Variants in NKAIN3 observed in about 807,000 individuals in gnomAD.
NKAIN3 encodes sodium/potassium-transporting ATPase subunit beta-1-interacting protein 3.
Under a neutral mutation model 30.2 loss-of-function variants are expected in NKAIN3, and 25 were observed. That is an observed-to-expected ratio of 0.83 (90% CI 0.60 to 1.16). The LOEUF (loss-of-function observed/expected upper bound fraction) is 1.16, where lower values mean the gene tolerates loss of function less well. NKAIN3 is among the 50% of genes most tolerant of loss of function. NKAIN3 has a pLI of 0.00. For missense variants in NKAIN3, 225 were observed against 254.1 expected, an observed-to-expected ratio of 0.89 and a Z score of 0.78; for synonymous variants, 91 against 89.6, an observed-to-expected ratio of 1.02 and a Z score of -0.09.
intron 1 of NKAIN3, among the ~76,000 whole-genome samples, chr8:62,392,538 C>T (rs13270596): frequency 0.56 from 84,620 of 151,792 alleles, 26,285 homozygotes; most frequent in East Asian, 0.68. Context: ...AAAGTTATCT[C>T]GCTTACCTGG....
In NKAIN3 at chr8:62,738,036, T is replaced by G. The variant is rs148385903; in HGVS notation, c.274-8896T>G. On this transcript the variant is annotated intron_variant, in intron 3 of 6. Coordinates refer to ENST00000623646, the MANE Select transcript of NKAIN3 (RefSeq NM_001304533.3). Reference sequence around the variant, plus strand: ...AATCCTTTAGGTATATACCCAGTAATAGGATTGCTGGGTCAAATGGTATTT... The same window carrying G: ...AATCCTTTAGGTATATACCCAGTAAGAGGATTGCTGGGTCAAATGGTATTT... Among the ~76,000 whole-genome samples the G allele has an allele frequency of 9.8e-3, 1,496 of 152,264 alleles. 24 individuals carry two copies. Among genetic ancestry groups the G allele is most frequent in the African/African-American group, 0.034 (1,418 of 41,540 alleles).
intron 4 of NKAIN3, among the ~76,000 whole-genome samples, chr8:62,904,124 A>G (rs1306419660): frequency 6.6e-6 from 1 of 152,190 alleles, no homozygotes; most frequent in African/African-American, 2.4e-5. Context: ...CATGTTATGT[A>G]TCTGGACATT....
chr8:62,568,548 A>G (rs1809827136), intron 1 of NKAIN3, among the ~76,000 whole-genome samples: 2 of 152,210 alleles, frequency 1.3e-5, no homozygotes, highest in African/African-American at 2.4e-5. Context: ...TGTGATACAT[A>G]GATGTCCTTC....
chr8:62,439,544 A>G (rs1283908005), intron 1 of NKAIN3, among the ~76,000 whole-genome samples: 2 of 151,790 alleles, frequency 1.3e-5, no homozygotes, highest in Non-Finnish European at 2.9e-5. Context: ...CATCCTGAGT[A>G]AAAAAATGTA....
At chr8:62,643,585 A>T (rs1215917816) in intron 3 of NKAIN3, among the ~76,000 whole-genome samples, 1 of 152,114 alleles carries the variant, frequency 6.6e-6, no homozygotes, top group Non-Finnish European at 1.5e-5. Context: ...CCCTCTCCAC[A>T]TTCCCTATAT....
intron 1 of NKAIN3, among the ~76,000 whole-genome samples, chr8:62,456,358 A>G (rs1043557126): frequency 2.0e-5 from 3 of 151,976 alleles, no homozygotes; most frequent in African/African-American, 7.3e-5. Context: ...ATCTCTACTA[A>G]AAATACAAAA....
chr8:62,855,718 G>T, intron 4 of NKAIN3: 1 of 1,554,114 alleles, frequency 6.4e-7, no homozygotes, highest in Non-Finnish European at 8.9e-7. Flanking sequence ...GCTTCTGAAC[G>T]ATAGCCTTCA....
intron 4 of NKAIN3, among the ~76,000 whole-genome samples, chr8:62,885,874 T>C (rs770840898): frequency 6.6e-6 from 1 of 152,220 alleles, no homozygotes; most frequent in Non-Finnish European, 1.5e-5. Context: ...TATGTGTTTT[T>C]ACATTTAAAG....
chr8:62,455,249 A>G (rs753310173), intron 1 of NKAIN3, among the ~76,000 whole-genome samples: 2 of 152,332 alleles, frequency 1.3e-5, no homozygotes, highest in Middle Eastern at 3.4e-3. Context: ...TCAAAGTACT[A>G]TTCACATAGA....
At chr8:62,273,193 G>C (rs1475039183) in intron 1 of NKAIN3, among the ~76,000 whole-genome samples, 1 of 152,246 alleles carries the variant, frequency 6.6e-6, no homozygotes, top group South Asian at 2.1e-4. Context: ...GAAATTTAGT[G>C]CTTTTTAATT....
intron 1 of NKAIN3, among the ~76,000 whole-genome samples, chr8:62,328,052 T>A (rs1585685264): frequency 1.3e-5 from 2 of 152,124 alleles, no homozygotes; most frequent in Non-Finnish European, 2.9e-5. Flanking sequence ...TGATCCAACT[T>A]TGCATTGCAT....
rs192788043 is a variant in NKAIN3, at chr8:62,863,398, T to C, written c.472-55055T>C. ...TGCATCATCCATACACATCAAGATG[T>C]TTTGCGGCTTTATGTCAGTATGAGT... On this transcript the variant is annotated intron_variant, in intron 4 of 6. Coordinates refer to ENST00000623646, the MANE Select transcript of NKAIN3 (RefSeq NM_001304533.3). 7.5e-5 allele frequency: 116 copies of C among 1,545,590 alleles called. No homozygotes were observed. In the East Asian group the frequency reaches 1.9e-3, roughly 26 times the overall value.
rs1815916086 is a variant in NKAIN3 at position 62,345,380 on chromosome 8, T to TACAC, written c.54+96253_54+96254insACAC. Among the ~76,000 whole-genome samples the TACAC allele has an allele frequency of 7.3e-5, 7 of 95,534 alleles. No homozygotes were observed. The South Asian group carries it at 1.3e-3, about 18-fold the overall frequency. The allele number at this position is 95,534 out of a possible 152,430, so 62.7% of individuals were successfully genotyped here. On this transcript the variant is annotated intron_variant, in intron 1 of 6. Coordinates refer to ENST00000623646, the MANE Select transcript of NKAIN3 (RefSeq NM_001304533.3). ...ACATATATGTATATATACACATATA[T>TACAC]GTATATATACACACATATACACATA...
chr8:62,931,151 A>C (rs543533865), intron 5 of NKAIN3, among the ~76,000 whole-genome samples: 47 of 152,330 alleles, frequency 3.1e-4, no homozygotes, highest in African/African-American at 1.1e-3. Context: ...ATTTGTCCCA[A>C]TAAACAAAAC....
rs118131229 is a variant in NKAIN3 at position 62,967,223 on chromosome 8, A to C, written c.*1816A>C. On this transcript the variant is annotated 3_prime_UTR_variant, in exon 7 of 7. Coordinates refer to ENST00000623646, the MANE Select transcript of NKAIN3 (RefSeq NM_001304533.3). ...ACTTGTCCAGAGCCTGTATCTGTACACAGGGGCAAGAGCCATAGCCAGTGG... is the reference window on the plus strand; with the variant it reads ...ACTTGTCCAGAGCCTGTATCTGTACCCAGGGGCAAGAGCCATAGCCAGTGG... Among the ~76,000 whole-genome samples the C allele has an allele frequency of 9.8e-3, 1,496 of 152,314 alleles. 15 individuals are homozygous for C. The highest frequency in any genetic ancestry group is 0.017 in the Non-Finnish European group (1,180 of 68,038).
chr8:62,334,615 A>G (rs1373495104), intron 1 of NKAIN3, among the ~76,000 whole-genome samples: 1 of 152,142 alleles, frequency 6.6e-6, no homozygotes, highest in Non-Finnish European at 1.5e-5. Context: ...TAGAACCAGT[A>G]TGAAACATGT....
intron 4 of NKAIN3, among the ~76,000 whole-genome samples, chr8:62,780,563 C>T (rs1212077041): frequency 6.6e-6 from 1 of 152,036 alleles, no homozygotes. Context: ...CCGAATCCAA[C>T]AGCATATCAA....
Position 62,974,703 on chromosome 8 carries a change from A to T in NKAIN3, c.*9296A>T, listed in dbSNP as rs1165698355. Among the ~76,000 whole-genome samples, 1 of 152,168 alleles carries T rather than the reference A, an allele frequency of 6.6e-6. No homozygotes were observed. The highest frequency in any genetic ancestry group is 2.4e-5 in the African/African-American group (1 of 41,430). On this transcript the variant is annotated 3_prime_UTR_variant, in exon 7 of 7. Coordinates refer to ENST00000623646, the MANE Select transcript of NKAIN3 (RefSeq NM_001304533.3). ...GCCAGAACTTCTAATACTGTGTTGA[A>T]TAGGAGTGGTGAGACAAGCCACCCT...
chr8:62,602,077 A>G (rs1811000098), intron 3 of NKAIN3, among the ~76,000 whole-genome samples: 1 of 152,120 alleles, frequency 6.6e-6, no homozygotes, highest in African/African-American at 2.4e-5. Flanking sequence ...AAGCTACATT[A>G]TAAGCCAACG....
Sources: gnomAD v4.1 joint callset for allele counts (sites outside exome capture counted in the v4.1 genomes callset) on GRCh38, gnomAD v4.1.1 for gene constraint, MANE v1.5 for transcripts, NCBI Gene and HGNC (gene_info 2026-07-23, HGNC 2026-07-21) for gene names.